RC3H1: variants seen among roughly 807,000 people sequenced by gnomAD.
The protein encoded by RC3H1 is ring finger and CCCH-type domains 1, also known as roquin-1.
Under a neutral mutation model 138.2 loss-of-function variants are expected in RC3H1, and 50 were observed. The ratio of observed to expected loss-of-function variants is 0.36; its 90% confidence interval spans 0.29 to 0.46. The LOEUF is 0.46. Ranked by LOEUF, RC3H1 falls within the 20% of genes least tolerant of loss-of-function variation. The probability of loss-of-function intolerance (pLI) is 1.00; values close to 1 mark genes in which losing one functional copy is unlikely to be tolerated. For synonymous variants in RC3H1, 462 were observed against 489.1 expected (o/e 0.94, Z 0.73); for missense variants, 1,031 against 1,388.1 (o/e 0.74, Z 4.09).
chr1:173,994,434 T>A (rs917992539), intron 1 of RC3H1, among the ~76,000 whole-genome samples: 1 of 152,070 alleles, frequency 6.6e-6, no homozygotes, highest in Admixed American at 6.5e-5. Flanking sequence ...ATAAGAATAT[T>A]TTAAAAGTAG....
chr1:173,947,906 C>A (rs1485200370), intron 14 of RC3H1, among the ~76,000 whole-genome samples: 1 of 151,898 alleles, frequency 6.6e-6, no homozygotes, highest in Non-Finnish European at 1.5e-5. Flanking sequence ...GCACACCCAG[C>A]TAATTTTTTT....
At chr1:174,004,118 T>G (rs182892310) in intron 1 of RC3H1, among the ~76,000 whole-genome samples, 1 of 150,014 alleles carries the variant, frequency 6.7e-6, no homozygotes, top group Admixed American at 6.7e-5. Flanking sequence ...ATTTTTATTA[T>G]TTTTTGAGAC....
chr1:174,000,838 G>A (rs1329383874), intron 1 of RC3H1, among the ~76,000 whole-genome samples: 3 of 152,172 alleles, frequency 2.0e-5, no homozygotes, highest in African/African-American at 7.2e-5. Context: ...CCTCAGCAGA[G>A]CATCAACTAA....
intron 13 of RC3H1, among the ~76,000 whole-genome samples, chr1:173,956,803 CATA>C (rs200414073): frequency 0.012 from 1,863 of 151,532 alleles, 40 homozygotes; most frequent in African/African-American, 0.041. Context: ...AGTTTAAATA[CATA>C]ATAAATGGTT....
rs1417293306 is a variant in RC3H1 at position 173,961,706 on chromosome 1, A to AC, written c.2202+18_2202+19insG. On this transcript the variant is annotated intron_variant, in intron 12 of 19. Transcript: ENST00000367696. ...AACAGTCAAATTAAGTCTATGTAAT[A>AC]AAAAAAAATACAGCATACTCTGAGG... The AC allele has an allele frequency of 6.6e-7, 1 of 1,504,030 alleles. No individual in the cohort carries two copies. Among genetic ancestry groups the AC allele is most frequent in the Non-Finnish European group, 9.0e-7 (1 of 1,106,234 alleles). 93.2% of individuals were successfully genotyped at this position (1,504,030 alleles called of 1,614,324 possible).
chr1:173,972,485 C>T, intron 8 of RC3H1, 24 bp downstream of exon 8: 2 of 1,558,360 alleles, frequency 1.3e-6, no homozygotes, highest in Non-Finnish European at 1.8e-6. Context: ...TGGGTTAACT[C>T]TAAGTTTTAA....
At chr1:173,959,083 T>G (rs1659761236) in intron 13 of RC3H1, among the ~76,000 whole-genome samples, 1 of 152,150 alleles carries the variant, frequency 6.6e-6, no homozygotes. Flanking sequence ...GAATATGTGT[T>G]ATCATCACTT....
intron 1 of RC3H1, among the ~76,000 whole-genome samples, chr1:173,999,844 A>G (rs6702454): frequency 0.29 from 44,005 of 152,180 alleles, 11,388 homozygotes; most frequent in African/African-American, 0.7. Flanking sequence ...TAATGTAGTT[A>G]TTATGCCCAT....
rs975332569 is a variant in RC3H1 at position 173,965,768 on chromosome 1, G to A, written c.1335-648C>T. ...TCCCTCAAATGCCTTGGGATACAAT[G>A]AGCCAATGTTAAAAAATTAGGAATA... On this transcript the variant is annotated intron_variant, in intron 9 of 19. Transcript: ENST00000367696. 4.6e-5 allele frequency among the ~76,000 whole-genome samples: 7 copies of A among 152,236 alleles called. No homozygotes were observed. The South Asian group carries it at 1.0e-3, about 23-fold the overall frequency.
chr1:173,994,451 T>G (rs1219445217), intron 1 of RC3H1, among the ~76,000 whole-genome samples: 1 of 152,018 alleles, frequency 6.6e-6, no homozygotes, highest in Non-Finnish European at 1.5e-5. Flanking sequence ...GTAGAAACAA[T>G]TTATATAAAC....
chr1:173,990,335 T>C (rs563704741), intron 2 of RC3H1, among the ~76,000 whole-genome samples: 18 of 152,176 alleles, frequency 1.2e-4, no homozygotes, highest in African/African-American at 3.4e-4. Context: ...AGCCTCGGCC[T>C]CCCAAACTAT....
At chr1:173,948,920 G>T (rs1387728705) in intron 14 of RC3H1, among the ~76,000 whole-genome samples, 1 of 151,972 alleles carries the variant, frequency 6.6e-6, no homozygotes, top group African/African-American at 2.4e-5. Flanking sequence ...TTAAGAAAAT[G>T]AGTTTTATTT....
At chr1:173,945,271 G>GTGC (rs1274947131) in intron 17 of RC3H1, among the ~76,000 whole-genome samples, 4 of 151,904 alleles carry the variant, frequency 2.6e-5, no homozygotes, top group Non-Finnish European at 5.9e-5. Context: ...GACTACAGGC[G>GTGC]TGCACTACCA....
In RC3H1 at chr1:173,981,000, G is replaced by A. The variant is rs751787129; in HGVS notation, c.778C>T (p.Arg260Cys). The change falls in exon 6 of 20, where the codon CGT becomes TGT. Residue 260 changes from arginine (R) to cysteine (C), a missense_variant. Coordinates refer to ENST00000367696, the MANE Select transcript of RC3H1 (RefSeq NM_172071.4). ...YRASCFKVTK[R>C]DEDSSLMQLK... ...TGCATCAAAGAAGAGTCTTCATCAC[G>A]TTTGGTGACCTAATAAGACACAAAT... 3.7e-6 allele frequency: 6 copies of A among 1,613,526 alleles called. No individual in the cohort carries two copies. The African/African-American group carries it at 5.3e-5, about 14-fold the overall frequency.
chr1:173,984,673 T>C (rs955982842), intron 2 of RC3H1, 54 bp from the exon 3 acceptor site: 3 of 1,569,844 alleles, frequency 1.9e-6, no homozygotes, highest in African/African-American at 1.4e-5. Context: ...AATTGTTTTA[T>C]TTAGTATAGT....
At chr1:173,992,642 G>A (rs1313812278) in intron 2 of RC3H1, 113 bp downstream of exon 2, 18 of 749,036 alleles carry the variant, frequency 2.4e-5, no homozygotes, top group Non-Finnish European at 3.5e-5. Context: ...TAATTCAACA[G>A]GTTTCTCTCA....
In RC3H1 at chr1:173,961,997, G is replaced by A. The variant is rs780001650; in HGVS notation, c.1930C>T (p.Pro644Ser). 1 of 1,614,114 alleles carries A rather than the reference G, an allele frequency of 6.2e-7. No individual in the cohort carries two copies. Among genetic ancestry groups the A allele is most frequent in the South Asian group, 1.1e-5 (1 of 91,080 alleles). The change falls in exon 12 of 20, where the codon CCC (proline) becomes TCC (serine). Residue 644 changes from proline to serine, a missense_variant. Around this residue, in one of 7 missense-constraint regions of RC3H1, gnomAD observed 716 missense variants for 837.9 expected, o/e 0.85. Coordinates refer to ENST00000367696, the MANE Select transcript of RC3H1 (RefSeq NM_172071.4). ...TTTACAACACGTTCTTGGAGGTAGG[G>A]TGGATAATGATCCAAGTAGGGAGGA... ...PAPPYLDHYP[P>S]YLQERVVNSQ...
chr1:173,939,622 G>T (rs1415705813), intron 19 of RC3H1, among the ~76,000 whole-genome samples: 1 of 150,294 alleles, frequency 6.7e-6, no homozygotes, highest in Non-Finnish European at 1.5e-5. Flanking sequence ...GGATCATGAG[G>T]TCAGGAGTTT....
chr1:174,013,052 G>A (rs1661796954), intron 1 of RC3H1, among the ~76,000 whole-genome samples: 1 of 151,816 alleles, frequency 6.6e-6, no homozygotes, highest in Non-Finnish European at 1.5e-5. Context: ...AAAAAGAAGA[G>A]CAGACTAAAA....
Sources: gnomAD v4.1 joint callset for allele counts (sites outside exome capture counted in the v4.1 genomes callset) on GRCh38, gnomAD v4.1.1 for gene constraint, gnomAD v4.1.1 regional missense constraint, MANE v1.5 for transcripts, NCBI Gene and HGNC (gene_info 2026-07-23, HGNC 2026-07-21) for gene names.